Variants in ADAMTSL1 observed in about 807,000 individuals in gnomAD.
ADAMTSL1 encodes the protein ADAMTS like 1, also known as ADAMTS-like protein 1.
Under a neutral mutation model 201.8 loss-of-function variants are expected in ADAMTSL1, and 126 were observed. The observed-to-expected ratio is 0.62, with a 90% CI of 0.54 to 0.72. ADAMTSL1 has a LOEUF of 0.72. Ranked by LOEUF, ADAMTSL1 falls within the 30% of genes least tolerant of loss-of-function variation. ADAMTSL1 has a pLI of 0.00. For missense variants in ADAMTSL1, 2,679 were observed against 2,277.8 expected, an observed-to-expected ratio of 1.18 and a Z score of -3.59; for synonymous variants, 1,121 against 903.4, an observed-to-expected ratio of 1.24 and a Z score of -4.32.
chr9:18,587,671 A>C (rs1823598503), intron 4 of ADAMTSL1, among the ~76,000 whole-genome samples: 2 of 152,086 alleles, frequency 1.3e-5, no homozygotes, highest in Non-Finnish European at 2.9e-5. Context: ...GGTAAATACC[A>C]TACTGCTTTC....
intron 23 of ADAMTSL1, among the ~76,000 whole-genome samples, chr9:18,868,894 T>C (rs1024469539): frequency 4.6e-5 from 7 of 152,214 alleles, no homozygotes; most frequent in African/African-American, 1.7e-4. Flanking sequence ...TGTGTTGAAT[T>C]GTATCCCCAC....
At chr9:18,057,874 G>T (rs1439945023) in intron 1 of ADAMTSL1, among the ~76,000 whole-genome samples, 2 of 152,132 alleles carry the variant, frequency 1.3e-5, no homozygotes, top group Non-Finnish European at 2.9e-5. Flanking sequence ...TGAACCCCTA[G>T]TCTTCTTTAG....
rs545681937 is a variant in ADAMTSL1, at chr9:17,920,439, A to T, written c.87+13517A>T. 4.5e-4 allele frequency among the ~76,000 whole-genome samples: 69 copies of T among 152,296 alleles called. No homozygotes were observed. The East Asian group carries it at 7.0e-3, about 15-fold the overall frequency. ...AATGTGTATGAAAGTAAAATTTTTT[A>T]AAACTACTTTTGTGTCCAGAAAGTT... On this transcript the variant is annotated intron_variant, in intron 1 of 29. Coordinates refer to the ADAMTSL1 transcript ENST00000680146.
At chr9:18,495,064 C>T (rs961997892) in intron 1 of ADAMTSL1, among the ~76,000 whole-genome samples, 14 of 151,956 alleles carry the variant, frequency 9.2e-5, no homozygotes, top group East Asian at 1.9e-4. Flanking sequence ...TAAGATTGGA[C>T]GGGGTGAGAA....
chr9:18,792,581 T>C (rs1396501111), intron 19 of ADAMTSL1, among the ~76,000 whole-genome samples: 1 of 152,230 alleles, frequency 6.6e-6, no homozygotes, highest in Non-Finnish European at 1.5e-5. Context: ...TGAATAGTGA[T>C]CTTCTGAGTT....
intron 26 of ADAMTSL1, among the ~76,000 whole-genome samples, chr9:18,895,432 C>T (rs1829564230): frequency 1.1e-5 from 1 of 87,060 alleles, no homozygotes; most frequent in Non-Finnish European, 2.3e-5. Context: ...GCCCCACCCC[C>T]TCCCCCCAAT....
At chr9:18,299,616 GT>G (rs1833620363) in intron 2 of ADAMTSL1, among the ~76,000 whole-genome samples, 1 of 152,168 alleles carries the variant, frequency 6.6e-6, no homozygotes, top group Non-Finnish European at 1.5e-5. Context: ...GTGCTCACCA[GT>G]TCATGCCTGG....
intron 1 of ADAMTSL1, among the ~76,000 whole-genome samples, chr9:18,014,711 G>T (rs1820185878): frequency 6.6e-6 from 1 of 152,034 alleles, no homozygotes. Context: ...GGAATTGCTT[G>T]CAGGGGAATT....
chr9:18,390,265 A>G (rs557259658), intron 2 of ADAMTSL1, among the ~76,000 whole-genome samples: 1 of 152,288 alleles, frequency 6.6e-6, no homozygotes, highest in South Asian at 2.1e-4. Flanking sequence ...TTTCTGTTAC[A>G]GAAACCAAGA....
At chr9:18,715,289 A>G (rs1457626737) in intron 14 of ADAMTSL1, among the ~76,000 whole-genome samples, 1 of 151,854 alleles carries the variant, frequency 6.6e-6, no homozygotes, top group Admixed American at 6.6e-5. Flanking sequence ...GAAAAGAGGA[A>G]GTCAAATTAT....
chr9:18,574,871 T>C (rs192559966), intron 4 of ADAMTSL1, among the ~76,000 whole-genome samples: 69 of 152,254 alleles, frequency 4.5e-4, no homozygotes, highest in African/African-American at 1.6e-3. Flanking sequence ...CTACTCTAGG[T>C]AGGGAATTAG....
intron 1 of ADAMTSL1, among the ~76,000 whole-genome samples, chr9:18,059,769 C>T (rs1172292510): frequency 6.6e-6 from 1 of 152,102 alleles, no homozygotes; most frequent in African/African-American, 2.4e-5. Context: ...ATTTCTACCT[C>T]ACCTCATTAA....
intron 1 of ADAMTSL1, among the ~76,000 whole-genome samples, chr9:18,106,241 G>C (rs2131864473): frequency 6.6e-6 from 1 of 152,328 alleles, no homozygotes; most frequent in South Asian, 2.1e-4. Flanking sequence ...CTAACTAAGG[G>C]AGAGTGTGAG....
intron 2 of ADAMTSL1, among the ~76,000 whole-genome samples, chr9:18,207,886 A>C (rs530256338): frequency 2.6e-5 from 4 of 152,222 alleles, no homozygotes; most frequent in African/African-American, 9.6e-5. Context: ...CTAAAAAAAA[A>C]CAAGATAGAA....
chr9:18,280,880 T>TTC (rs926385381), intron 2 of ADAMTSL1, among the ~76,000 whole-genome samples: 14 of 150,804 alleles, frequency 9.3e-5, no homozygotes, highest in African/African-American at 3.4e-4. Context: ...CCGCTTTTTT[T>TTC]TTTTTTTTTT....
intron 1 of ADAMTSL1, among the ~76,000 whole-genome samples, chr9:18,051,204 G>A (rs1011448603): frequency 5.3e-5 from 8 of 152,214 alleles, no homozygotes; most frequent in Admixed American, 2.6e-4. Context: ...GGGAGGCTGA[G>A]GCGGGAGAAT....
intron 2 of ADAMTSL1, among the ~76,000 whole-genome samples, chr9:18,194,091 CTG>C (rs1829079427): frequency 6.6e-6 from 1 of 151,746 alleles, no homozygotes; most frequent in Non-Finnish European, 1.5e-5. Flanking sequence ...GATAGTGAAA[CTG>C]TAACTGGAAA....
intron 2 of ADAMTSL1, among the ~76,000 whole-genome samples, chr9:18,411,586 T>A (rs1198902745): frequency 6.6e-6 from 1 of 152,202 alleles, no homozygotes; most frequent in African/African-American, 2.4e-5. Context: ...ATTTCTAGAT[T>A]TATTATCAGA....
chr9:18,125,186 G>A (rs1825681728), intron 1 of ADAMTSL1, among the ~76,000 whole-genome samples: 1 of 152,146 alleles, frequency 6.6e-6, no homozygotes, highest in Admixed American at 6.5e-5. Flanking sequence ...ATGGTGGAAG[G>A]CAAGGAGGAG....
Sources: allele counts gnomAD v4.1 joint callset (sites outside exome capture counted in the v4.1 genomes callset), GRCh38; gene constraint gnomAD v4.1.1; transcripts MANE v1.5; gene names NCBI Gene and HGNC (gene_info 2026-07-23, HGNC 2026-07-21).